The following NFIA variants were observed in gnomAD, a reference collection of about 807,000 sequenced individuals.
NFIA encodes the protein nuclear factor I A.
In NFIA, 8 loss-of-function variants were observed where a neutral mutation model predicts 62.8. The observed-to-expected ratio is 0.13, with a 90% CI of 0.07 to 0.23. NFIA has a LOEUF of 0.23. Among genes scored for constraint, NFIA ranks in the 10% least tolerant of loss-of-function variants. The pLI, the probability that NFIA is intolerant of heterozygous loss-of-function variation, is 1.00. For missense variants in NFIA, 410 were observed against 642.1 expected, an observed-to-expected ratio of 0.64 and a Z score of 3.91; for synonymous variants, 235 against 238.1, an observed-to-expected ratio of 0.99 and a Z score of 0.12.
Position 61,404,089 on chromosome 1 carries a change from T to C in NFIA, c.1076-15T>C. On this transcript the variant is annotated splice_polypyrimidine_tract_variant and intron_variant, in intron 7 of 10. Transcript: ENST00000403491. ...GTCTTTCTTTTCATAACCCTGATGT[T>C]TTCTTTTCCTGCAGCAAGTCCGCAT... The C allele has an allele frequency of 6.2e-7, 1 of 1,613,606 alleles. No homozygotes were observed. The highest frequency in any genetic ancestry group is 1.1e-5 in the South Asian group (1 of 91,002).
intron 6 of NFIA, among the ~76,000 whole-genome samples, chr1:61,373,401 C>T (rs891009504): frequency 2.6e-5 from 4 of 152,082 alleles, no homozygotes; most frequent in African/African-American, 9.7e-5. Context: ...TTCTTTTTCC[C>T]TTATGAAATG....
At chr1:61,255,204 C>T (rs1656304706) in intron 2 of NFIA, among the ~76,000 whole-genome samples, 1 of 152,154 alleles carries the variant, frequency 6.6e-6, no homozygotes, top group Admixed American at 6.5e-5. Flanking sequence ...ACCATACACA[C>T]CACAAAACCA....
chr1:61,298,765 C>A (rs1341271477), intron 3 of NFIA, among the ~76,000 whole-genome samples: 2 of 152,232 alleles, frequency 1.3e-5, no homozygotes, highest in African/African-American at 4.8e-5. Context: ...CAGCATATAG[C>A]CAGTACTCAA....
chr1:61,192,857 A>G (rs1055980531), intron 2 of NFIA, among the ~76,000 whole-genome samples: 3 of 152,220 alleles, frequency 2.0e-5, no homozygotes, highest in Non-Finnish European at 4.4e-5. Flanking sequence ...TAAATCACCC[A>G]TGGTAATGTG....
At chr1:61,309,917 A>G (rs1660007809) in intron 3 of NFIA, among the ~76,000 whole-genome samples, 1 of 152,190 alleles carries the variant, frequency 6.6e-6, no homozygotes, top group Non-Finnish European at 1.5e-5. Context: ...GGTGAATGTT[A>G]CCTTCTCCCT....
At chr1:61,344,856 A>G (rs1399456882) in intron 4 of NFIA, among the ~76,000 whole-genome samples, 4 of 152,208 alleles carry the variant, frequency 2.6e-5, no homozygotes, top group Non-Finnish European at 4.4e-5. Flanking sequence ...AATTTTTTCC[A>G]TCATCCTCTC....
rs372052226 is a variant in NFIA, at chr1:61,359,289, G to A, written c.946+15G>A. 26 of 1,611,962 alleles carry A rather than the reference G, an allele frequency of 1.6e-5. No individual in the cohort carries two copies. The highest frequency in any genetic ancestry group is 5.3e-5 in the African/African-American group (4 of 74,826). ...AGTGGAGCCAGGTAAGCAGAGTGGC[G>A]GCACGGGCATGTGGCTAACACTGTG... On this transcript the variant is annotated intron_variant, in intron 6 of 10. Coordinates refer to ENST00000403491, the MANE Select transcript of NFIA (RefSeq NM_001134673.4).
intron 5 of NFIA, among the ~76,000 whole-genome samples, chr1:61,357,672 C>G (rs995267504): frequency 6.6e-6 from 1 of 152,166 alleles, no homozygotes; most frequent in Non-Finnish European, 1.5e-5. Context: ...TTCTCTTTTG[C>G]ACAGTTTTGT....
chr1:61,099,024 C>T (rs1223919723), intron 2 of NFIA, among the ~76,000 whole-genome samples: 4 of 152,066 alleles, frequency 2.6e-5, no homozygotes, highest in African/African-American at 7.2e-5. Context: ...AGATATTTGC[C>T]CCTGGCCCCA....
Position 61,084,183 on chromosome 1 carries a change from A to G in NFIA, c.27+1365A>G, listed in dbSNP as rs185164842. ...TTCTTGCCTTCATTTAGTAGGAGAT[A>G]ACGGTTTAACCGGAATAGTTTCTGG... On this transcript the variant is annotated intron_variant, in intron 1 of 10. Coordinates refer to ENST00000403491, the MANE Select transcript of NFIA (RefSeq NM_001134673.4). Among the ~76,000 whole-genome samples, 176 of 152,330 alleles carry G rather than the reference A, an allele frequency of 1.2e-3. 1 individual carries two copies. Among genetic ancestry groups the G allele is most frequent in the South Asian group, 2.5e-3 (12 of 4,824 alleles).
chr1:61,224,716 T>A (rs1654221199), intron 2 of NFIA, among the ~76,000 whole-genome samples: 1 of 152,160 alleles, frequency 6.6e-6, no homozygotes, highest in African/African-American at 2.4e-5. Flanking sequence ...TTGTCTCACC[T>A]CCTCTACTCA....
intron 2 of NFIA, among the ~76,000 whole-genome samples, chr1:61,147,934 A>G (rs1412988762): frequency 6.6e-6 from 1 of 152,144 alleles, no homozygotes; most frequent in East Asian, 1.9e-4. Context: ...GGGGTTGGCT[A>G]ATGTTCTTTG....
At chr1:61,202,073 A>G (rs187068028) in intron 2 of NFIA, among the ~76,000 whole-genome samples, 31 of 152,252 alleles carry the variant, frequency 2.0e-4, no homozygotes, top group Admixed American at 1.0e-3. Context: ...AACATTGCAA[A>G]CTCATCCATT....
intron 2 of NFIA, among the ~76,000 whole-genome samples, chr1:61,221,898 G>A (rs550141634): frequency 8.5e-5 from 13 of 152,142 alleles, no homozygotes; most frequent in Admixed American, 5.2e-4. Flanking sequence ...ATAATGATTC[G>A]GTAATAATGG....
chr1:61,378,824 A>T (rs1399227079), intron 6 of NFIA, among the ~76,000 whole-genome samples: 2 of 152,206 alleles, frequency 1.3e-5, no homozygotes, highest in Admixed American at 1.3e-4. Flanking sequence ...GAAAGCTGTC[A>T]GCAAGGGGCC....
chr1:61,315,505 T>G (rs538172780), intron 3 of NFIA, among the ~76,000 whole-genome samples: 1 of 152,296 alleles, frequency 6.6e-6, no homozygotes, highest in South Asian at 2.1e-4. Flanking sequence ...GAGTATTCTT[T>G]GGTAATCGCA....
Position 61,332,499 on chromosome 1 carries a change from T to G in NFIA, c.626-13T>G, listed in dbSNP as rs1338949535. ...TTATGACACTTTGTTTTCTTTTGTTTTTGTTTCCCCAGGACATTTGGGCTT... is the reference window on the plus strand; with the variant it reads ...TTATGACACTTTGTTTTCTTTTGTTGTTGTTTCCCCAGGACATTTGGGCTT... On this transcript the variant is annotated splice_polypyrimidine_tract_variant and intron_variant, in intron 3 of 10. Coordinates refer to ENST00000403491, the MANE Select transcript of NFIA (RefSeq NM_001134673.4). 1 of 1,613,304 alleles carries G rather than the reference T, an allele frequency of 6.2e-7. No individual in the cohort carries two copies.
At chr1:61,210,278 CT>C (rs1260325584) in intron 2 of NFIA, among the ~76,000 whole-genome samples, 1 of 152,108 alleles carries the variant, frequency 6.6e-6, no homozygotes, top group African/African-American at 2.4e-5. Flanking sequence ...CACATTGCCC[CT>C]GTGATAGGTA....
intron 10 of NFIA, among the ~76,000 whole-genome samples, chr1:61,440,660 C>T (rs1390825429): frequency 5.3e-5 from 8 of 151,094 alleles, no homozygotes; most frequent in East Asian, 3.9e-4. Flanking sequence ...ATCCTCCTCC[C>T]GATGCTTTTT....
Sources: allele counts gnomAD v4.1 joint callset (sites outside exome capture counted in the v4.1 genomes callset), GRCh38; gene constraint gnomAD v4.1.1; transcripts MANE v1.5; gene names NCBI Gene and HGNC (gene_info 2026-07-23, HGNC 2026-07-21).